The following PCBP3 variants were observed in gnomAD, a reference collection of about 807,000 sequenced individuals.
The protein encoded by PCBP3 is poly(rC) binding protein 3, also known as poly(rC)-binding protein 3.
Under a neutral mutation model 52.7 loss-of-function variants are expected in PCBP3, and 25 were observed. The observed-to-expected ratio is 0.47, with a 90% CI of 0.35 to 0.66. The LOEUF is 0.66. PCBP3 is among the 30% of genes least tolerant of loss of function. PCBP3 has a pLI of 0.01. For missense variants in PCBP3, 391 were observed against 490.3 expected, an observed-to-expected ratio of 0.80 and a Z score of 1.91; for synonymous variants, 162 against 183.0, an observed-to-expected ratio of 0.89 and a Z score of 0.93.
In PCBP3 at chr21:45,901,128, A is replaced by G. The variant is rs1191304442; in HGVS notation, c.339+15A>G. 9.0e-6 allele frequency: 14 copies of G among 1,559,880 alleles called. No individual in the cohort carries two copies. Among genetic ancestry groups the G allele is most frequent in the Non-Finnish European group, 1.2e-5 (14 of 1,131,450 alleles). On this transcript the variant is annotated intron_variant, in intron 9 of 17. Transcript: ENST00000681687. ...AGTTTGAGGAGGTAACCTGCACCCC[A>G]GGCACCTCTGCCAGCCTGGCGGGGG... is the stretch of plus-strand genomic sequence containing the variant.
intron 4 of PCBP3, among the ~76,000 whole-genome samples, chr21:45,781,338 A>G (rs944493638): frequency 3.9e-5 from 6 of 152,254 alleles, no homozygotes; most frequent in African/African-American, 1.4e-4. Flanking sequence ...AATAAAGAAC[A>G]AACAAAAATG....
intron 1 of PCBP3, among the ~76,000 whole-genome samples, chr21:45,650,795 G>A (rs1569075572): frequency 6.6e-6 from 1 of 152,046 alleles, no homozygotes; most frequent in Non-Finnish European, 1.5e-5. Context: ...TCTGGATCTG[G>A]ACCTTTTTAA....
chr21:45,669,314 T>C (rs889321811), intron 2 of PCBP3, among the ~76,000 whole-genome samples: 1 of 152,184 alleles, frequency 6.6e-6, no homozygotes, highest in Non-Finnish European at 1.5e-5. Context: ...AACCCATTCA[T>C]GACTTTATAA....
chr21:45,683,070 A>G (rs1194131986), intron 2 of PCBP3, among the ~76,000 whole-genome samples: 1 of 141,292 alleles, frequency 7.1e-6, no homozygotes, highest in Non-Finnish European at 1.5e-5. Context: ...TCAGAGAGCT[A>G]GGAGAAAAGA....
chr21:45,763,057 A>T (rs1196695601), intron 4 of PCBP3: 1 of 152,174 alleles, frequency 6.6e-6, no homozygotes, highest in South Asian at 2.1e-4. Flanking sequence ...CTTGTTTAGG[A>T]TTGAGGTTGA....
intron 2 of PCBP3, among the ~76,000 whole-genome samples, chr21:45,714,507 A>C (rs2084079619): frequency 6.6e-6 from 1 of 152,246 alleles, no homozygotes; most frequent in Non-Finnish European, 1.5e-5. Context: ...TCATAGACTT[A>C]AAGGAAAAAC....
intron 2 of PCBP3, among the ~76,000 whole-genome samples, chr21:45,730,211 T>C (rs1344803095): frequency 6.6e-6 from 1 of 151,992 alleles, no homozygotes; most frequent in Non-Finnish European, 1.5e-5. Flanking sequence ...CCACATATTT[T>C]GATATGTAGT....
intron 2 of PCBP3, among the ~76,000 whole-genome samples, chr21:45,697,503 G>T (rs1269819417): frequency 6.6e-6 from 1 of 152,154 alleles, no homozygotes; most frequent in Non-Finnish European, 1.5e-5. Flanking sequence ...CCAGCACTTT[G>T]GGAGGCTGAG....
At chr21:45,933,805 A>G (rs962466331) in intron 15 of PCBP3, among the ~76,000 whole-genome samples, 2 of 152,094 alleles carry the variant, frequency 1.3e-5, no homozygotes, top group Admixed American at 6.5e-5. Flanking sequence ...GGCTGGCCAC[A>G]GTGAGAGGTG....
In PCBP3 at chr21:45,783,429, A is replaced by G. The variant is rs115573867; in HGVS notation, c.-126+27977A>G. ...TTTAGAGAAAGAAATGATATTCTCA[A>G]CAGTACATTTGCAACCTGTAAGAAC... On this transcript the variant is annotated intron_variant, in intron 4 of 17. Transcript: ENST00000681687. Among the ~76,000 whole-genome samples, 689 of 152,376 alleles carry G rather than the reference A, an allele frequency of 4.5e-3. 3 individuals are homozygous for G. Among genetic ancestry groups the G allele is most frequent in the African/African-American group, 0.015 (640 of 41,596 alleles).
In PCBP3 at chr21:45,833,913, GT is replaced by G. The variant is rs372671207; in HGVS notation, c.-125-16041del. On this transcript the variant is annotated intron_variant, in intron 4 of 17. Transcript: ENST00000681687. ...ATCATATTTGAATATGAAATCTTCT[GT>G]TTTTTTAAATGTTGGAAACAAATTT... Among the ~76,000 whole-genome samples the G allele has an allele frequency of 6.7e-3, 888 of 133,502 alleles. 6 individuals carry two copies. The highest frequency in any genetic ancestry group is 0.021 in the African/African-American group (834 of 40,082). The allele number at this position is 133,502 out of a possible 152,430, so 87.6% of individuals were successfully genotyped here. A position where few individuals can be genotyped will look rare whatever the true frequency, so the allele number is the denominator to read the frequency against.
At chr21:45,812,719 C>T (rs1444211735) in intron 4 of PCBP3, among the ~76,000 whole-genome samples, 4 of 152,162 alleles carry the variant, frequency 2.6e-5, no homozygotes, top group Admixed American at 2.6e-4. Context: ...TGCAGTTCTG[C>T]TAGGTATGAA....
At chr21:45,810,688 C>T (rs571525618) in intron 4 of PCBP3, among the ~76,000 whole-genome samples, 2 of 152,314 alleles carry the variant, frequency 1.3e-5, no homozygotes, top group Non-Finnish European at 2.9e-5. Flanking sequence ...TTGGTTTACG[C>T]AATGACTTTG....
chr21:45,875,658 C>T (rs1047182681), intron 5 of PCBP3, among the ~76,000 whole-genome samples: 5 of 152,316 alleles, frequency 3.3e-5, no homozygotes, highest in East Asian at 1.9e-4. Context: ...CTGTCCAGGG[C>T]GAGAGCAGGA....
intron 1 of PCBP3, among the ~76,000 whole-genome samples, chr21:45,658,584 A>G (rs1017257575): frequency 1.3e-5 from 2 of 152,180 alleles, no homozygotes; most frequent in Admixed American, 1.3e-4. Context: ...GATTACAGAC[A>G]TGAGCCGCCA....
At chr21:45,699,315 A>G (rs1377281997) in intron 2 of PCBP3, among the ~76,000 whole-genome samples, 3 of 152,192 alleles carry the variant, frequency 2.0e-5, no homozygotes, top group Admixed American at 6.5e-5. Context: ...TGTGGAGGGC[A>G]CTGACTCCTG....
intron 12 of PCBP3, chr21:45,914,234 C>T (rs915629793): frequency 8.9e-5 from 64 of 716,722 alleles, no homozygotes; most frequent in Non-Finnish European, 1.3e-4. Flanking sequence ...GACGGCCCCA[C>T]GGAATCATGT....
At chr21:45,780,681 G>C (rs1456973001) in intron 4 of PCBP3, among the ~76,000 whole-genome samples, 1 of 152,170 alleles carries the variant, frequency 6.6e-6, no homozygotes, top group Non-Finnish European at 1.5e-5. Context: ...ATGAAGCAAT[G>C]GAAGCATTTG....
At chr21:45,892,082 A>G (rs13048129) in intron 5 of PCBP3, among the ~76,000 whole-genome samples, 70,476 of 152,060 alleles carry the variant, frequency 0.46, 17,898 homozygotes, top group African/African-American at 0.68. Flanking sequence ...AATGGAGTCC[A>G]CCCTCGGGAG....
Sources: gnomAD v4.1 joint callset for allele counts (sites outside exome capture counted in the v4.1 genomes callset) on GRCh38, gnomAD v4.1.1 for gene constraint, MANE v1.5 for transcripts, NCBI Gene and HGNC (gene_info 2026-07-23, HGNC 2026-07-21) for gene names.